The following DAPK2 variants were observed in gnomAD, a reference collection of about 807,000 sequenced individuals.
DAPK2 encodes the protein death-associated protein kinase 2.
A neutral mutation model predicts 44.1 loss-of-function variants in DAPK2; 35 were observed. The observed-to-expected ratio is 0.79, with a 90% CI of 0.61 to 1.05. The LOEUF (loss-of-function observed/expected upper bound fraction) is 1.05, where lower values mean the gene tolerates loss of function less well. DAPK2 is among the 50% of genes least tolerant of loss of function. The pLI is 0.00. For synonymous variants in DAPK2, 174 were observed against 182.6 expected, an observed-to-expected ratio of 0.95 and a Z score of 0.38; for missense variants, 453 against 483.2, an observed-to-expected ratio of 0.94 and a Z score of 0.59.
chr15:63,964,442 G>T (rs1474371110), intron 3 of DAPK2, among the ~76,000 whole-genome samples: 6 of 151,954 alleles, frequency 3.9e-5, no homozygotes, highest in Non-Finnish European at 8.8e-5. Context: ...TATTATTTGG[G>T]TTTAACCTTC....
At chr15:63,931,239 A>G (rs147477442) in intron 4 of DAPK2, among the ~76,000 whole-genome samples, 137 of 152,248 alleles carry the variant, frequency 9.0e-4, no homozygotes, top group African/African-American at 3.2e-3. Flanking sequence ...TAAGCAATAA[A>G]TTTCTGTTGT....
chr15:63,940,648 G>A (rs1017879113), intron 3 of DAPK2, among the ~76,000 whole-genome samples: 2 of 152,126 alleles, frequency 1.3e-5, no homozygotes, highest in African/African-American at 4.8e-5. Context: ...GGAGGTGGAG[G>A]TTGCAGTGAA....
intron 3 of DAPK2, among the ~76,000 whole-genome samples, chr15:63,969,622 T>C (rs918060139): frequency 1.3e-5 from 2 of 151,942 alleles, no homozygotes; most frequent in African/African-American, 4.8e-5. Context: ...ACGCCTTTAG[T>C]CCCAGCTATT....
intron 5 of DAPK2, 103 bp from the exon 7 acceptor site, chr15:63,929,680 C>G (rs2079460086): frequency 7.4e-7 from 1 of 1,359,930 alleles, no homozygotes; most frequent in South Asian, 1.2e-5. Context: ...TTGCCTCCTC[C>G]ACAGCAGACC....
At chr15:63,929,618 C>T (rs1200238739) in intron 5 of DAPK2, 41 bp from the exon 7 acceptor site, 1 of 1,613,116 alleles carries the variant, frequency 6.2e-7, no homozygotes, top group Non-Finnish European at 8.5e-7. Context: ...CACCTGGGTC[C>T]CATCCCCGAC....
chr15:63,942,706 C>G (rs1426881756), intron 3 of DAPK2, among the ~76,000 whole-genome samples: 1 of 152,114 alleles, frequency 6.6e-6, no homozygotes, highest in Non-Finnish European at 1.5e-5. Context: ...GCCTGGAACA[C>G]TCTCCCTGCA....
At chr15:64,001,219 A>G (rs1311406117) in intron 1 of DAPK2, among the ~76,000 whole-genome samples, 1 of 151,646 alleles carries the variant, frequency 6.6e-6, no homozygotes, top group East Asian at 1.9e-4. Context: ...TGCCAAAAAA[A>G]AAAAAAATCT....
At chr15:64,034,604 G>T (rs1404195312) in intron 1 of DAPK2, among the ~76,000 whole-genome samples, 2 of 152,176 alleles carry the variant, frequency 1.3e-5, no homozygotes, top group Non-Finnish European at 2.9e-5. Flanking sequence ...TAAGAGAAGT[G>T]GGGGCTATGG....
rs946129322 is a variant in DAPK2, at chr15:63,951,550, G to A, written c.454-12189C>T. Among the ~76,000 whole-genome samples the A allele has an allele frequency of 2.6e-5, 4 of 152,076 alleles. No homozygotes were observed. In the South Asian group the frequency reaches 6.2e-4, roughly 24 times the overall value. ...TTTCCACTCTGCAGAGACAGAGAGC[G>A]CACTCCTTGGCAGCGAGCATTTGTT... On this transcript the variant is annotated intron_variant, in intron 3 of 10. Transcript: ENST00000261891.
intron 3 of DAPK2, among the ~76,000 whole-genome samples, chr15:63,948,982 T>C (rs191885584): frequency 2.3e-4 from 35 of 152,300 alleles, no homozygotes; most frequent in Non-Finnish European, 4.4e-5. Flanking sequence ...CCAAATCCTG[T>C]GTGCTCTCCA....
intron 1 of DAPK2, among the ~76,000 whole-genome samples, chr15:63,999,304 C>T (rs991252771): frequency 6.6e-6 from 1 of 152,216 alleles, no homozygotes. Context: ...CAGACCCGAG[C>T]CTTTCCAGGG....
chr15:63,991,662 T>G (rs2078823433), intron 1 of DAPK2, among the ~76,000 whole-genome samples: 1 of 152,204 alleles, frequency 6.6e-6, no homozygotes, highest in Non-Finnish European at 1.5e-5. Flanking sequence ...GAACACAGTT[T>G]GAGAAGTACT....
intron 1 of DAPK2, among the ~76,000 whole-genome samples, chr15:64,038,729 C>G (rs2080278261): frequency 6.6e-6 from 1 of 151,602 alleles, no homozygotes; most frequent in Non-Finnish European, 1.5e-5. Flanking sequence ...CATAAGAGTT[C>G]TATAAAGGGA....
chr15:64,002,332 C>G (rs57096055), intron 1 of DAPK2, among the ~76,000 whole-genome samples: 6,184 of 152,264 alleles, frequency 0.041, 424 homozygotes, highest in African/African-American at 0.14. Context: ...TTATTGGAAA[C>G]ACAAATGAGC....
intron 3 of DAPK2, among the ~76,000 whole-genome samples, chr15:63,950,520 A>G (rs1321129680): frequency 6.6e-6 from 1 of 152,224 alleles, no homozygotes; most frequent in Non-Finnish European, 1.5e-5. Flanking sequence ...GCCCAGCCAG[A>G]AAGAGAAAAC....
intron 1 of DAPK2, among the ~76,000 whole-genome samples, chr15:63,986,902 AACTATACC>A (rs2078682460): frequency 6.6e-6 from 1 of 152,168 alleles, no homozygotes; most frequent in South Asian, 2.1e-4. Flanking sequence ...CAAATGAAGA[AACTATACC>A]ACTGTTACTC....
chr15:63,974,870 G>A (rs892124558), intron 2 of DAPK2, among the ~76,000 whole-genome samples: 2 of 152,126 alleles, frequency 1.3e-5, no homozygotes, highest in East Asian at 3.8e-4. Context: ...AGTCAGGTTG[G>A]AATTTATTAT....
At chr15:63,977,616 A>G (rs759709042) in intron 2 of DAPK2, among the ~76,000 whole-genome samples, 1 of 152,238 alleles carries the variant, frequency 6.6e-6, no homozygotes, top group East Asian at 1.9e-4. Flanking sequence ...AACACCGTAC[A>G]TGGTGTCATC....
In DAPK2 at chr15:63,982,475, AC is replaced by A. The variant is rs199995676; in HGVS notation, c.314+1057del. On this transcript the variant is annotated intron_variant, in intron 2 of 10. Transcript: ENST00000261891. ...AGTGCTAGGATTACAGGCATGAGCCACTGCACCAGGCCAGAACATTCTTTAT... is the reference window on the plus strand; with the variant it reads ...AGTGCTAGGATTACAGGCATGAGCCATGCACCAGGCCAGAACATTCTTTAT... 5.9e-3 allele frequency among the ~76,000 whole-genome samples: 903 copies of A among 152,286 alleles called. 12 individuals are homozygous for A. Among genetic ancestry groups the A allele is most frequent in the African/African-American group, 0.021 (855 of 41,554 alleles).
Sources: allele counts gnomAD v4.1 joint callset (sites outside exome capture counted in the v4.1 genomes callset), GRCh38; gene constraint gnomAD v4.1.1; transcripts MANE v1.5; gene names NCBI Gene and HGNC (gene_info 2026-07-23, HGNC 2026-07-21).